NSMCE2: variants seen among roughly 807,000 people sequenced by gnomAD.
NSMCE2 encodes NSE2 SUMO ligase component of SMC5/6 complex, also known as E3 SUMO-protein ligase NSE2.
NSMCE2 carries 24 observed loss-of-function variants against 23.8 expected under a neutral mutation model. That is an observed-to-expected ratio of 1.01 (90% CI 0.73 to 1.42). The LOEUF (loss-of-function observed/expected upper bound fraction) is 1.42, where lower values mean the gene tolerates loss of function less well. Ranked by LOEUF, NSMCE2 falls within the 40% of genes most tolerant of loss-of-function variation. NSMCE2 has a pLI of 0.00. For synonymous variants in NSMCE2, 92 were observed against 94.1 expected, an observed-to-expected ratio of 0.98 and a Z score of 0.13; for missense variants, 284 against 296.5, an observed-to-expected ratio of 0.96 and a Z score of 0.31.
At chr8:125,215,730 T>A (rs1338117289) in intron 5 of NSMCE2, among the ~76,000 whole-genome samples, 2 of 152,208 alleles carry the variant, frequency 1.3e-5, no homozygotes, top group Non-Finnish European at 2.9e-5. Context: ...AAGGAAGGGA[T>A]CCAGTTTCAG....
intron 5 of NSMCE2, among the ~76,000 whole-genome samples, chr8:125,202,368 C>T (rs2130862359): frequency 6.6e-6 from 1 of 152,314 alleles, no homozygotes; most frequent in African/African-American, 2.4e-5. Context: ...CCCTGGATAA[C>T]TTTTTAAACT....
intron 5 of NSMCE2, among the ~76,000 whole-genome samples, chr8:125,273,042 G>A (rs998138850): frequency 7.2e-5 from 11 of 152,050 alleles, no homozygotes; most frequent in Non-Finnish European, 1.5e-4. Flanking sequence ...TATGTCAGCC[G>A]CCTATCATAG....
chr8:125,306,357 A>G (rs986976106), intron 5 of NSMCE2, among the ~76,000 whole-genome samples: 9 of 146,370 alleles, frequency 6.1e-5, no homozygotes, highest in Non-Finnish European at 1.2e-4. Context: ...GCTTATATAT[A>G]TTAAAAAAAA....
intron 5 of NSMCE2, among the ~76,000 whole-genome samples, chr8:125,275,185 T>C (rs549755416): frequency 1.3e-5 from 2 of 152,116 alleles, no homozygotes; most frequent in South Asian, 4.1e-4. Flanking sequence ...CCTTTTCCTG[T>C]CCATAGGAGA....
chr8:125,148,346 A>G (rs1256503750), intron 3 of NSMCE2, among the ~76,000 whole-genome samples: 1 of 152,196 alleles, frequency 6.6e-6, no homozygotes, highest in Non-Finnish European at 1.5e-5. Context: ...AGTAGCATAT[A>G]TGGGACCCTG....
At chr8:125,344,719 G>A (rs998764197) in intron 5 of NSMCE2, among the ~76,000 whole-genome samples, 14 of 145,718 alleles carry the variant, frequency 9.6e-5, no homozygotes, top group Non-Finnish European at 1.9e-4. Context: ...CTCCAGCCTG[G>A]CTGACAGAGC....
intron 3 of NSMCE2, among the ~76,000 whole-genome samples, chr8:125,134,952 G>A (rs1306297128): frequency 6.6e-6 from 1 of 152,038 alleles, no homozygotes; most frequent in Non-Finnish European, 1.5e-5. Flanking sequence ...CTGTCACTCA[G>A]GCTGGAGTGC....
intron 3 of NSMCE2, among the ~76,000 whole-genome samples, chr8:125,148,031 C>T (rs139000511): frequency 9.9e-4 from 150 of 152,248 alleles, no homozygotes; most frequent in African/African-American, 3.3e-3. Context: ...AGTTATCTGA[C>T]GGCACTGCTT....
chr8:125,310,932 A>G (rs1828952386), intron 5 of NSMCE2, among the ~76,000 whole-genome samples: 1 of 152,266 alleles, frequency 6.6e-6, no homozygotes, highest in Non-Finnish European at 1.5e-5. Flanking sequence ...AATATGGTTT[A>G]TTGATGAATA....
At chr8:125,105,188 G>A (rs1040076585) in intron 3 of NSMCE2, among the ~76,000 whole-genome samples, 8 of 152,212 alleles carry the variant, frequency 5.3e-5, no homozygotes, top group African/African-American at 1.9e-4. Context: ...ATTCATGGCA[G>A]GTGGACCAGC....
chr8:125,359,191 C>T lies in NSMCE2; in HGVS notation c.626+1373C>T, dbSNP rs376336763. On this transcript the variant is annotated intron_variant, in intron 7 of 7. Coordinates refer to ENST00000287437, the MANE Select transcript of NSMCE2 (RefSeq NM_173685.4). The stretch of plus-strand genomic sequence containing the variant: ...CTGAGGCAGGAGAATGGCATGAACC[C>T]GGGAGGCGGAGCTTGCAGTGAGCCG... 6.3e-4 allele frequency among the ~76,000 whole-genome samples: 94 copies of T among 148,366 alleles called. No individual in the cohort carries two copies. The East Asian group carries it at 0.011, about 17-fold the overall frequency.
At chr8:125,276,926 A>G (rs186347722) in intron 5 of NSMCE2, among the ~76,000 whole-genome samples, 67 of 152,256 alleles carry the variant, frequency 4.4e-4, no homozygotes, top group African/African-American at 1.5e-3. Context: ...CACCATTCAC[A>G]TAGATGACAG....
At position 125,284,149 on chromosome 8, in the gene NSMCE2, G is replaced by A. The variant is rs186289059; in HGVS notation, c.419-73070G>A. On this transcript the variant is annotated intron_variant, in intron 5 of 7. Coordinates refer to ENST00000287437, the MANE Select transcript of NSMCE2 (RefSeq NM_173685.4). ...AGCCTGGGCAACAGAGCGAGACTCC[G>A]GAAAAAGAAAAAAAAAAAAAGAATG... Among the ~76,000 whole-genome samples the A allele has an allele frequency of 2.9e-3, 409 of 140,948 alleles. 4 individuals are homozygous for A. The highest frequency in any genetic ancestry group is 8.4e-3 in the Admixed American group (118 of 14,076). 92.5% of individuals were successfully genotyped at this position (140,948 alleles called of 152,430 possible).
At chr8:125,286,838 A>G (rs556758324) in intron 5 of NSMCE2, among the ~76,000 whole-genome samples, 9 of 151,810 alleles carry the variant, frequency 5.9e-5, no homozygotes, top group Admixed American at 3.9e-4. Flanking sequence ...TGGGACTTCA[A>G]CTCAGCTCTG....
intron 5 of NSMCE2, among the ~76,000 whole-genome samples, chr8:125,267,832 T>G (rs1240248096): frequency 6.6e-6 from 1 of 152,192 alleles, no homozygotes; most frequent in Non-Finnish European, 1.5e-5. Context: ...AGAAGACTTC[T>G]GAGTGAGAGA....
intron 5 of NSMCE2, among the ~76,000 whole-genome samples, chr8:125,355,405 C>G (rs1262996366): frequency 1.3e-5 from 2 of 152,126 alleles, no homozygotes; most frequent in Non-Finnish European, 2.9e-5. Flanking sequence ...GTTTAGAAAG[C>G]TACTGATCTT....
chr8:125,300,494 C>T (rs933066114), intron 5 of NSMCE2, among the ~76,000 whole-genome samples: 4 of 152,138 alleles, frequency 2.6e-5, no homozygotes, highest in Non-Finnish European at 5.9e-5. Flanking sequence ...CGTTCTAAGC[C>T]ATATCAAATG....
At chr8:125,244,843 CAAAA>C (rs1232284300) in intron 5 of NSMCE2, among the ~76,000 whole-genome samples, 7 of 151,692 alleles carry the variant, frequency 4.6e-5, no homozygotes, top group Admixed American at 6.6e-5. Context: ...CATTCGCACA[CAAAA>C]AAAGATATAG....
chr8:125,311,802 G>A (rs1828980844), intron 5 of NSMCE2, among the ~76,000 whole-genome samples: 2 of 152,180 alleles, frequency 1.3e-5, no homozygotes, highest in Admixed American at 6.5e-5. Flanking sequence ...AAGATGGCCA[G>A]GCACGGTGGC....
Sources: gnomAD v4.1 joint callset for allele counts (sites outside exome capture counted in the v4.1 genomes callset) on GRCh38, gnomAD v4.1.1 for gene constraint, MANE v1.5 for transcripts, NCBI Gene and HGNC (gene_info 2026-07-23, HGNC 2026-07-21) for gene names.